PTPRK: variants seen among roughly 807,000 people sequenced by gnomAD.
The protein encoded by PTPRK is receptor-type tyrosine-protein phosphatase kappa.
PTPRK carries 75 observed loss-of-function variants against 178.0 expected under a neutral mutation model. That is an observed-to-expected ratio of 0.42 (90% CI 0.35 to 0.51). PTPRK has a LOEUF of 0.51. Among genes scored for constraint, PTPRK ranks in the 20% least tolerant of loss-of-function variants. The probability of loss-of-function intolerance (pLI) is 0.02; values close to 1 mark genes in which losing one functional copy is unlikely to be tolerated. For synonymous variants in PTPRK, 637 were observed against 620.6 expected, an observed-to-expected ratio of 1.03 and a Z score of -0.39; for missense variants, 1,441 against 1,797.8, an observed-to-expected ratio of 0.80 and a Z score of 3.59.
At chr6:128,268,164 A>G (rs1438523258) in intron 3 of PTPRK, among the ~76,000 whole-genome samples, 1 of 152,016 alleles carries the variant, frequency 6.6e-6, no homozygotes, top group Non-Finnish European at 1.5e-5. Context: ...AAATGAATAG[A>G]TACATTTACC....
intron 1 of PTPRK, among the ~76,000 whole-genome samples, chr6:128,454,395 T>C (rs1351384869): frequency 6.6e-6 from 1 of 152,250 alleles, no homozygotes; most frequent in South Asian, 2.1e-4. Flanking sequence ...GATGTAATAA[T>C]GAAACATCTC....
intron 3 of PTPRK, among the ~76,000 whole-genome samples, chr6:128,300,150 T>C (rs978370272): frequency 6.6e-6 from 1 of 152,004 alleles, no homozygotes; most frequent in Admixed American, 6.6e-5. Flanking sequence ...AACAGAGGAA[T>C]GCAAATCAAA....
intron 3 of PTPRK, among the ~76,000 whole-genome samples, chr6:128,278,974 G>T (rs1391456834): frequency 6.6e-6 from 1 of 151,850 alleles, no homozygotes; most frequent in Non-Finnish European, 1.5e-5. Flanking sequence ...TCCAGGATGG[G>T]GTCCTGAGCA....
intron 7 of PTPRK, among the ~76,000 whole-genome samples, chr6:128,120,783 C>T (rs1404010233): frequency 6.6e-6 from 1 of 151,830 alleles, no homozygotes; most frequent in East Asian, 1.9e-4. Flanking sequence ...TACTTAATTT[C>T]AATTGTTATA....
chr6:128,090,073 T>C (rs976879706), intron 7 of PTPRK, 81 bp from the exon 8 acceptor site: 6 of 1,085,336 alleles, frequency 5.5e-6, no homozygotes, highest in African/African-American at 1.6e-5. Flanking sequence ...AAGTATAATA[T>C]AGCATATGCA....
chr6:128,272,714 T>G (rs1004367389), intron 3 of PTPRK, among the ~76,000 whole-genome samples: 1 of 152,058 alleles, frequency 6.6e-6, no homozygotes. Context: ...AAACAACAGG[T>G]GCTGGAGAGG....
At chr6:128,009,000 G>T in intron 14 of PTPRK, 130 bp downstream of exon 14, 1 of 763,240 alleles carries the variant, frequency 1.3e-6, no homozygotes, top group Non-Finnish European at 2.0e-6. Context: ...CTCAGGTGCT[G>T]ACAACATTGT....
intron 6 of PTPRK, among the ~76,000 whole-genome samples, chr6:128,198,375 C>T (rs1260113644): frequency 6.6e-6 from 1 of 152,102 alleles, no homozygotes; most frequent in Non-Finnish European, 1.5e-5. Flanking sequence ...CTTGTGTTTT[C>T]CATGGGAAAC....
At chr6:128,064,482 G>C (rs933066825) in intron 13 of PTPRK, among the ~76,000 whole-genome samples, 22 of 152,134 alleles carry the variant, frequency 1.4e-4, no homozygotes, top group African/African-American at 5.1e-4. Flanking sequence ...TAAGATATTG[G>C]TTGATCAGCA....
intron 7 of PTPRK, among the ~76,000 whole-genome samples, chr6:128,145,363 C>A (rs1796332680): frequency 6.6e-6 from 1 of 151,994 alleles, no homozygotes; most frequent in Non-Finnish European, 1.5e-5. Context: ...GTGATGGGTA[C>A]ATGAGTATAT....
chr6:128,478,327 T>C (rs1399357865), intron 1 of PTPRK, among the ~76,000 whole-genome samples: 1 of 152,136 alleles, frequency 6.6e-6, no homozygotes, highest in Non-Finnish European at 1.5e-5. Context: ...GACCCATCAC[T>C]GTGCCTAAGT....
Position 128,275,960 on chromosome 6 carries a change from G to C in PTPRK, c.496-33358C>G, listed in dbSNP as rs140596889. Reference sequence around the variant, plus strand: ...AACCCAACCATGCCTTTTAAATGGGGGTAATATATAAACCTTGCCTACTTT... The same window carrying C: ...AACCCAACCATGCCTTTTAAATGGGCGTAATATATAAACCTTGCCTACTTT... On this transcript the variant is annotated intron_variant, in intron 3 of 29. Coordinates refer to ENST00000368226, the MANE Select transcript of PTPRK (RefSeq NM_002844.4). 1.4e-3 allele frequency among the ~76,000 whole-genome samples: 211 copies of C among 151,806 alleles called. 1 individual carries two copies. Among genetic ancestry groups the C allele is most frequent in the African/African-American group, 4.8e-3 (200 of 41,458 alleles).
chr6:128,061,413 T>C lies in PTPRK; in HGVS notation c.2194+3345A>G, dbSNP rs180734806. ...ACACACTGCAAACTGGAATGTCTTA[T>C]GGAGGGACACCAGATTTTCCAGAGA... On this transcript the variant is annotated intron_variant, in intron 13 of 29. Transcript: ENST00000368226. 1.4e-3 allele frequency among the ~76,000 whole-genome samples: 212 copies of C among 152,316 alleles called. 1 individual carries two copies. Among genetic ancestry groups the C allele is most frequent in the African/African-American group, 4.8e-3 (201 of 41,578 alleles).
intron 3 of PTPRK, among the ~76,000 whole-genome samples, chr6:128,294,986 C>T (rs1221691399): frequency 6.6e-6 from 1 of 151,896 alleles, no homozygotes; most frequent in Admixed American, 6.6e-5. Flanking sequence ...CAGTATGAAA[C>T]AGATATGTTT....
rs914555866 is a variant in PTPRK, at chr6:127,984,503, G to C, written c.3252-1126C>G. On this transcript the variant is annotated intron_variant, in intron 22 of 29. Coordinates refer to ENST00000368226, the MANE Select transcript of PTPRK (RefSeq NM_002844.4). The stretch of plus-strand genomic sequence containing the variant: ...GTCCAGAGATGCTTCAGTGTAGGTG[G>C]AAAATGACACTTCTGTTTCAAGAGA... Among the ~76,000 whole-genome samples, 3 of 152,306 alleles carry C rather than the reference G, an allele frequency of 2.0e-5. No individual in the cohort carries two copies. In the South Asian group the frequency reaches 6.2e-4, roughly 32 times the overall value.
intron 3 of PTPRK, among the ~76,000 whole-genome samples, chr6:128,296,504 C>T (rs1383868342): frequency 6.6e-6 from 1 of 152,150 alleles, no homozygotes; most frequent in African/African-American, 2.4e-5. Context: ...AAGGGAAGCC[C>T]ATCAGACTAA....
intron 6 of PTPRK, among the ~76,000 whole-genome samples, chr6:128,194,058 A>T (rs1052137393): frequency 1.9e-4 from 25 of 134,236 alleles, no homozygotes; most frequent in African/African-American, 7.5e-4. Context: ...AATAATATTT[A>T]TATATATATT....
At chr6:128,355,967 T>C (rs940528621) in intron 2 of PTPRK, among the ~76,000 whole-genome samples, 1 of 152,148 alleles carries the variant, frequency 6.6e-6, no homozygotes, top group Non-Finnish European at 1.5e-5. Flanking sequence ...TTGTTAAAAA[T>C]CAGTGAGACA....
At chr6:128,110,804 A>G (rs1583051607) in intron 7 of PTPRK, among the ~76,000 whole-genome samples, 1 of 152,288 alleles carries the variant, frequency 6.6e-6, no homozygotes, top group Admixed American at 6.5e-5. Flanking sequence ...GCCAAACTGA[A>G]GTATGTTGAC....
Sources: gnomAD v4.1 joint callset for allele counts (sites outside exome capture counted in the v4.1 genomes callset) on GRCh38, gnomAD v4.1.1 for gene constraint, MANE v1.5 for transcripts, NCBI Gene and HGNC (gene_info 2026-07-23, HGNC 2026-07-21) for gene names.